Variants in EYS observed in about 807,000 individuals in gnomAD.
The protein encoded by EYS is EGF-like photoreceptor maintenance factor, also known as protein eyes shut homolog.
EYS carries 250 observed loss-of-function variants against 282.1 expected under a neutral mutation model. The observed-to-expected ratio is 0.89, with a 90% CI of 0.80 to 0.98. EYS has a LOEUF of 0.98. Ranked by LOEUF, EYS falls within the 50% of genes least tolerant of loss-of-function variation. The pLI, the probability that EYS is intolerant of heterozygous loss-of-function variation, is 0.00. For synonymous variants in EYS, 1,355 were observed against 1,282.9 expected (o/e 1.06, Z -1.20); for missense variants, 4,016 against 3,709.0 (o/e 1.08, Z -2.15).
chr6:64,711,100 GTGTTAATAC>G (rs1771197933), intron 22 of EYS, among the ~76,000 whole-genome samples: 1 of 152,084 alleles, frequency 6.6e-6, no homozygotes, highest in African/African-American at 2.4e-5. Flanking sequence ...CATGAATTAG[GTGTTAATAC>G]TGTAATTAGG....
chr6:65,234,743 A>G (rs1356658948), intron 12 of EYS, among the ~76,000 whole-genome samples: 2 of 152,222 alleles, frequency 1.3e-5, no homozygotes, highest in Non-Finnish European at 2.9e-5. Context: ...GCAGGCATAA[A>G]TATGTACAAA....
chr6:64,076,181 T>C (rs538574476), intron 32 of EYS, among the ~76,000 whole-genome samples: 44 of 152,118 alleles, frequency 2.9e-4, no homozygotes, highest in Middle Eastern at 3.4e-3. Flanking sequence ...GACTAAACCA[T>C]TGAAATTTGT....
intron 26 of EYS, among the ~76,000 whole-genome samples, chr6:64,507,422 TA>T (rs780269414): frequency 1.5e-4 from 23 of 152,190 alleles, no homozygotes; most frequent in Non-Finnish European, 2.8e-4. Flanking sequence ...ACAACATTTA[TA>T]AAAACTCAGG....
intron 22 of EYS, among the ~76,000 whole-genome samples, chr6:64,698,961 G>A (rs1481162746): frequency 2.0e-5 from 3 of 152,098 alleles, no homozygotes. Context: ...CAACCCAGCA[G>A]TCCCATTATT....
intron 11 of EYS, among the ~76,000 whole-genome samples, chr6:65,309,324 T>C (rs1769093674): frequency 6.6e-6 from 1 of 152,276 alleles, no homozygotes; most frequent in African/African-American, 2.4e-5. Context: ...TGAAATGACA[T>C]TTGTACTTCC....
At chr6:64,205,564 T>C (rs1164193843) in intron 31 of EYS, among the ~76,000 whole-genome samples, 2 of 152,154 alleles carry the variant, frequency 1.3e-5, no homozygotes, top group African/African-American at 4.8e-5. Context: ...GATTTGCAAA[T>C]TAATTCTTCT....
chr6:65,275,056 A>G (rs369054298), intron 12 of EYS, among the ~76,000 whole-genome samples: 50 of 152,238 alleles, frequency 3.3e-4, no homozygotes, highest in African/African-American at 1.1e-3. Context: ...GGAGGGTTTT[A>G]GGGGAGGTCC....
chr6:64,854,572 TCA>T (rs1477777692), intron 19 of EYS, among the ~76,000 whole-genome samples: 1 of 117,886 alleles, frequency 8.5e-6, no homozygotes. Flanking sequence ...AAGGGGAACA[TCA>T]CACACGGGGG....
At chr6:63,816,307 A>G (rs570273380) in intron 36 of EYS, among the ~76,000 whole-genome samples, 15 of 152,228 alleles carry the variant, frequency 9.9e-5, no homozygotes, top group Admixed American at 2.0e-4. Flanking sequence ...ATAGAACTAC[A>G]AAAGATGACT....
At chr6:64,433,440 A>C (rs189415727) in intron 28 of EYS, among the ~76,000 whole-genome samples, 44 of 152,142 alleles carry the variant, frequency 2.9e-4, no homozygotes, top group Admixed American at 9.2e-4. Context: ...GATACTGAAA[A>C]ATAAAATTAA....
intron 33 of EYS, among the ~76,000 whole-genome samples, chr6:64,065,549 A>G (rs149190949): frequency 5.9e-5 from 9 of 152,336 alleles, no homozygotes; most frequent in Admixed American, 2.0e-4. Flanking sequence ...CCAAAAATTT[A>G]TATAATCCAG....
At chr6:64,839,418 T>C (rs896194397) in intron 19 of EYS, among the ~76,000 whole-genome samples, 3 of 152,078 alleles carry the variant, frequency 2.0e-5, no homozygotes, top group African/African-American at 7.2e-5. Flanking sequence ...ATTTTACTTC[T>C]ATATAACAGT....
intron 35 of EYS, among the ~76,000 whole-genome samples, chr6:63,905,503 G>C (rs1200148549): frequency 6.6e-6 from 1 of 151,496 alleles, no homozygotes; most frequent in Non-Finnish European, 1.5e-5. Flanking sequence ...CTAATTTTTT[G>C]TATTTTTTAG....
At chr6:65,670,923 C>T (rs1290309481) in intron 1 of EYS, among the ~76,000 whole-genome samples, 2 of 151,742 alleles carry the variant, frequency 1.3e-5, no homozygotes, top group East Asian at 3.9e-4. Flanking sequence ...TTTCTTTTCA[C>T]CGAGACACAT....
At chr6:64,772,564 G>A (rs1433683557) in intron 22 of EYS, among the ~76,000 whole-genome samples, 1 of 151,658 alleles carries the variant, frequency 6.6e-6, no homozygotes, top group Non-Finnish European at 1.5e-5. Flanking sequence ...ACTGTTGACT[G>A]TAGCCATGCT....
At chr6:65,670,360 G>T (rs141545419) in intron 1 of EYS, among the ~76,000 whole-genome samples, 1 of 152,112 alleles carries the variant, frequency 6.6e-6, no homozygotes, top group African/African-American at 2.4e-5. Context: ...GGGTGGTAAG[G>T]GATTCCCATT....
intron 35 of EYS, among the ~76,000 whole-genome samples, chr6:63,938,227 T>A (rs1250882442): frequency 6.6e-6 from 1 of 152,220 alleles, no homozygotes; most frequent in African/African-American, 2.4e-5. Flanking sequence ...TTAGAGTTGC[T>A]GGTCTCGTAT....
Position 65,389,600 on chromosome 6 carries a change from T to C in EYS, c.1185-5100A>G, listed in dbSNP as rs1248803556. ...GTGTTAACATTCCTAATGATAAAAG[T>C]GTTCATATCCATGATATGTAGTTAT... On this transcript the variant is annotated intron_variant, in intron 7 of 42. Coordinates refer to ENST00000503581, the MANE Select transcript of EYS (RefSeq NM_001142800.2). Among the ~76,000 whole-genome samples the C allele has an allele frequency of 3.9e-5, 6 of 152,180 alleles. No individual in the cohort carries two copies. The East Asian group carries it at 9.7e-4, about 25-fold the overall frequency.
chr6:63,929,563 A>T (rs917099318), intron 35 of EYS, among the ~76,000 whole-genome samples: 2 of 152,226 alleles, frequency 1.3e-5, no homozygotes, highest in African/African-American at 2.4e-5. Context: ...ATGGCTTGAA[A>T]TCTTAAAACT....
Sources: allele counts gnomAD v4.1 joint callset (sites outside exome capture counted in the v4.1 genomes callset), GRCh38; gene constraint gnomAD v4.1.1; transcripts MANE v1.5; gene names NCBI Gene and HGNC (gene_info 2026-07-23, HGNC 2026-07-21).